ABCA1: variants seen among roughly 807,000 people sequenced by gnomAD.
ABCA1 encodes the protein ATP binding cassette subfamily A member 1, also known as phospholipid-transporting ATPase ABCA1.
ABCA1 carries 133 observed loss-of-function variants against 262.5 expected under a neutral mutation model. The observed-to-expected ratio is 0.51, with a 90% CI of 0.44 to 0.59. The LOEUF (loss-of-function observed/expected upper bound fraction) is 0.59, where lower values mean the gene tolerates loss of function less well. Ranked by LOEUF, ABCA1 falls within the 20% of genes least tolerant of loss-of-function variation. ABCA1 has a pLI of 0.00. For missense variants in ABCA1, 2,452 were observed against 2,777.5 expected (o/e 0.88, Z 2.63); for synonymous variants, 1,022 against 1,043.5 (o/e 0.98, Z 0.40).
chr9:104,919,256 C>T (rs1018429844), intron 1 of ABCA1, among the ~76,000 whole-genome samples: 4 of 152,074 alleles, frequency 2.6e-5, no homozygotes, highest in Admixed American at 2.0e-4. Flanking sequence ...GATGAATGAG[C>T]CTGAAGAGTT....
At chr9:104,908,983 G>A (rs1002727465) in intron 1 of ABCA1, among the ~76,000 whole-genome samples, 2 of 152,180 alleles carry the variant, frequency 1.3e-5, no homozygotes, top group Non-Finnish European at 2.9e-5. Context: ...AAGTCTTACT[G>A]TGGTAAATTA....
Position 104,820,066 on chromosome 9 carries a change from C to T in ABCA1, c.2964G>A (p.Leu988=), listed in dbSNP as rs2118966654. Residue 988 remains leucine (L), a synonymous_variant, in exon 21 of 50, where the codon CTG becomes CTA. Transcript: ENST00000374736. The part of the protein sequence containing the change: ...CPQHNVLFDM[L]TVEEHIWFYA... ...AGAACCAGATGTGTTCTTCGACAGT[C>T]AGCCTGGGGACAGGGAGGCAGGTCA... 6 of 1,614,130 alleles carry T rather than the reference C, an allele frequency of 3.7e-6. No homozygotes were observed. Among genetic ancestry groups the T allele is most frequent in the Non-Finnish European group, 4.2e-6 (5 of 1,180,024 alleles).
intron 23 of ABCA1, among the ~76,000 whole-genome samples, chr9:104,818,148 TTTAA>T (rs1380937209): frequency 6.8e-6 from 1 of 147,942 alleles, no homozygotes; most frequent in African/African-American, 2.4e-5. Context: ...CTCTCTGCAC[TTTAA>T]TTGAGATGAT....
intron 2 of ABCA1, among the ~76,000 whole-genome samples, chr9:104,898,588 A>G (rs1220270598): frequency 8.2e-6 from 1 of 122,688 alleles, no homozygotes. Flanking sequence ...AAATAAATAA[A>G]TAAATAAATA....
Position 104,831,610 on chromosome 9 carries a change from G to T in ABCA1, c.1715+12C>A, listed in dbSNP as rs752936677. 2 of 1,609,546 alleles carry T rather than the reference G, an allele frequency of 1.2e-6. No homozygotes were observed. Among genetic ancestry groups the T allele is most frequent in the Non-Finnish European group, 1.7e-6 (2 of 1,176,880 alleles). ...CCCCAAGACCAGGCTGGTGTGATGG[G>T]ATTCCACTTACCCATCCTTGATTTT... On this transcript the variant is annotated intron_variant, in intron 13 of 49. Coordinates refer to ENST00000374736, the MANE Select transcript of ABCA1 (RefSeq NM_005502.4).
At chr9:104,814,310 A>C in intron 26 of ABCA1, 79 bp from the exon 27 acceptor site, 1 of 1,561,562 alleles carries the variant, frequency 6.4e-7, no homozygotes, top group Admixed American at 1.7e-5. Flanking sequence ...ACAAACCTAC[A>C]CTCTACAAAT....
chr9:104,825,503 G>A (rs774896888), intron 17 of ABCA1, 180 bp downstream of exon 17: 22 of 694,652 alleles, frequency 3.2e-5, no homozygotes, highest in Non-Finnish European at 5.2e-5. Context: ...AACAAGTGCT[G>A]TACAAGTAGT....
In ABCA1 at chr9:104,831,118, G is replaced by T; in HGVS notation, c.1716-17C>A. ...TCCCAGTACCTAAAACCAAACCACA[G>T]GTAATCAACCATTCCTTTAGAACCA... is the stretch of plus-strand genomic sequence containing the variant. On this transcript the variant is annotated splice_polypyrimidine_tract_variant and intron_variant, in intron 13 of 49. Transcript: ENST00000374736. 6.5e-7 allele frequency: 1 copy of T among 1,550,020 alleles called. No homozygotes were observed. The highest frequency in any genetic ancestry group is 8.7e-7 in the Non-Finnish European group (1 of 1,145,864).
rs10991381 is a variant in ABCA1, at chr9:104,814,543, T to C, written c.3739-68A>G. On this transcript the variant is annotated intron_variant, in intron 25 of 49. Transcript: ENST00000374736. ...ACGAGAGTAGTCACCACTGCCACGA[T>C]TATTATATTACTGAGTGGCATGTTA... is the stretch of plus-strand genomic sequence containing the variant. 6.4e-6 allele frequency: 9 copies of C among 1,413,592 alleles called. No homozygotes were observed. The East Asian group carries it at 1.8e-4, about 29-fold the overall frequency. The allele number at this position is 1,413,592 out of a possible 1,614,324, so 87.6% of individuals were successfully genotyped here.
At chr9:104,791,215 G>A (rs1164487206) in intron 43 of ABCA1, among the ~76,000 whole-genome samples, 187 bp from the exon 44 acceptor site, 2 of 152,112 alleles carry the variant, frequency 1.3e-5, no homozygotes, top group African/African-American at 4.8e-5. Context: ...AAGTGTGGCT[G>A]TATTTATAAA....
chr9:104,910,603 T>C (rs117425755), intron 1 of ABCA1, among the ~76,000 whole-genome samples: 3 of 152,362 alleles, frequency 2.0e-5, no homozygotes, highest in Non-Finnish European at 2.9e-5. Context: ...TGTGTGTGTA[T>C]GTGCGTGTAT....
At chr9:104,830,639 G>A (rs999394576) in intron 14 of ABCA1, among the ~76,000 whole-genome samples, 2 of 151,784 alleles carry the variant, frequency 1.3e-5, no homozygotes, top group African/African-American at 2.4e-5. Flanking sequence ...GCAGTGAGCC[G>A]AGATCGAGCC....
intron 5 of ABCA1, among the ~76,000 whole-genome samples, chr9:104,882,052 A>AAAAAAAAAAAAAAAAAAC (rs1564238762): frequency 7.3e-6 from 1 of 137,316 alleles, no homozygotes; most frequent in Non-Finnish European, 1.6e-5. Context: ...AAAAAAAAAA[A>AAAAAAAAAAAAAAAAAAC]AAAAACTCAA....
chr9:104,804,508 TAGAC>T (rs1830603477), intron 32 of ABCA1, 114 bp downstream of exon 32: 1 of 850,474 alleles, frequency 1.2e-6, no homozygotes, highest in Non-Finnish European at 2.0e-6. Context: ...AAACTTCCAA[TAGAC>T]AGAATCAGGC....
chr9:104,841,362 C>A (rs770896383), intron 8 of ABCA1, among the ~76,000 whole-genome samples: 2 of 152,030 alleles, frequency 1.3e-5, no homozygotes, highest in Non-Finnish European at 2.9e-5. Flanking sequence ...ATTGCTTGAA[C>A]CCGGGAGGCA....
At chr9:104,871,191 C>G (rs181567807) in intron 5 of ABCA1, among the ~76,000 whole-genome samples, 7 of 152,292 alleles carry the variant, frequency 4.6e-5, no homozygotes, top group African/African-American at 1.4e-4. Context: ...GATGCAGCAA[C>G]AAGGCACCAT....
intron 17 of ABCA1, among the ~76,000 whole-genome samples, chr9:104,824,890 C>T (rs74471062): frequency 0.016 from 2,406 of 152,342 alleles, 67 homozygotes; most frequent in African/African-American, 0.055. Context: ...AATCCAGAAT[C>T]TGCATGCTGC....
Position 104,789,914 on chromosome 9 carries a change from T to C in ABCA1, c.5927+1008A>G, listed in dbSNP as rs577554960. 1.1e-3 allele frequency among the ~76,000 whole-genome samples: 169 copies of C among 152,118 alleles called. 1 individual carries two copies. The highest frequency in any genetic ancestry group is 6.8e-3 in the Middle Eastern group (2 of 294). Reference sequence around the variant, plus strand: ...CTCGAGACCAGTCTGGCCAACATGGTGAAACCCCATCTCTACTGAAAATAC... The same window carrying C: ...CTCGAGACCAGTCTGGCCAACATGGCGAAACCCCATCTCTACTGAAAATAC... On this transcript the variant is annotated intron_variant, in intron 44 of 49. Coordinates refer to ENST00000374736, the MANE Select transcript of ABCA1 (RefSeq NM_005502.4).
rs774351406 is a variant in ABCA1, at chr9:104,832,790, A to G, written c.1312-19T>C. 33 of 1,612,104 alleles carry G rather than the reference A, an allele frequency of 2.0e-5. No homozygotes were observed. Among genetic ancestry groups the G allele is most frequent in the Non-Finnish European group, 2.5e-6 (3 of 1,178,268 alleles). ...ACAGCATCTGCCATTCCAGTGAGAA[A>G]GTACAAGTAGTAAACACCAACTAAA... On this transcript the variant is annotated intron_variant, in intron 11 of 49. Coordinates refer to ENST00000374736, the MANE Select transcript of ABCA1 (RefSeq NM_005502.4).
Sources: gnomAD v4.1 joint callset for allele counts (sites outside exome capture counted in the v4.1 genomes callset) on GRCh38, gnomAD v4.1.1 for gene constraint, MANE v1.5 for transcripts, NCBI Gene and HGNC (gene_info 2026-07-23, HGNC 2026-07-21) for gene names.